The following IARS1 variants were observed in gnomAD, a reference collection of about 807,000 sequenced individuals.
IARS1 encodes isoleucyl-tRNA synthetase 1, also known as isoleucine--tRNA ligase, cytoplasmic.
IARS1 carries 124 observed loss-of-function variants against 168.2 expected under a neutral mutation model. The ratio of observed to expected loss-of-function variants is 0.74; its 90% CI spans 0.64 to 0.86. IARS1 has a LOEUF of 0.86. Among genes scored for constraint, IARS1 ranks in the 40% least tolerant of loss-of-function variants. The pLI, the probability that IARS1 is intolerant of heterozygous loss-of-function variation, is 0.00. For missense variants in IARS1, 1,452 were observed against 1,515.8 expected, an observed-to-expected ratio of 0.96 and a Z score of 0.70; for synonymous variants, 532 against 529.4, an observed-to-expected ratio of 1.00 and a Z score of -0.07.
At chr9:92,252,237 T>TA (rs1289151344) in intron 21 of IARS1, 12 of 440,412 alleles carry the variant, frequency 2.7e-5, no homozygotes, top group Non-Finnish European at 5.1e-5. Flanking sequence ...CCAAAAACTT[T>TA]AAAGTACCTT....
intron 7 of IARS1, among the ~76,000 whole-genome samples, chr9:92,279,179 T>C (rs1406704810): frequency 1.3e-5 from 2 of 152,358 alleles, no homozygotes; most frequent in East Asian, 1.9e-4. Context: ...TGTAAAAGCC[T>C]TTCCAATTTA....
rs1349098250 is a variant in IARS1, at chr9:92,288,278, T to C, written c.124A>G (p.Thr42Ala). 3 of 1,613,838 alleles carry C rather than the reference T, an allele frequency of 1.9e-6. No individual in the cohort carries two copies. The highest frequency in any genetic ancestry group is 1.1e-5 in the South Asian group (1 of 91,030). Residue 42 changes from threonine (T) to alanine (A), a missense_variant, in exon 3 of 34, where the codon ACC (threonine) becomes GCC (alanine). Physicochemically the swap from Thr to Ala is moderately conservative, Grantham distance 58. Coordinates refer to ENST00000443024, the MANE Select transcript of IARS1 (RefSeq NM_002161.6). ...GCAAAAGGAGGACCATCATAGAAGG[T>C]AAATCTAACAGGTAATAAAAATATA... ...LKQSKHKPKFTFYDGPPFATG... is the reference protein window; with the variant it reads ...LKQSKHKPKFAFYDGPPFATG...
chr9:92,255,568 CCATTT>C (rs1830602050), intron 20 of IARS1, among the ~76,000 whole-genome samples: 1 of 152,102 alleles, frequency 6.6e-6, no homozygotes, highest in African/African-American at 2.4e-5. Context: ...AGCAAAATGT[CCATTT>C]CATTATTGCT....
Position 92,264,935 on chromosome 9 carries a change from C to T in IARS1, c.1694G>A (p.Arg565Lys). ...AAAGAACAAGGAGGCATACCATCCT[C>T]TGGTTTGGTCGATGCCCTCGGCAAT... ...DFIAEGIDQT[R>K]GWFYTLLVLA... Residue 565 changes from arginine to lysine, a missense_variant, in exon 16 of 34, where the codon AGA becomes AAA. Transcript: ENST00000443024. 3.7e-6 allele frequency: 6 copies of T among 1,612,330 alleles called. No individual in the cohort carries two copies. The highest frequency in any genetic ancestry group is 5.1e-6 in the Non-Finnish European group (6 of 1,179,192).
rs772120974 is a variant in IARS1, at chr9:92,288,170, G to A, written c.232C>T (p.His78Tyr). ...TCCCATCCAAATCTTCTGTCAACATGAAACCCACTCTGGTGAGCATATCTT... is the reference window on the plus strand; with the variant it reads ...TCCCATCCAAATCTTCTGTCAACATAAAACCCACTCTGGTGAGCATATCTT... ...VTRYAHQSGF[H>Y]VDRRFGWDCH... is the part of the protein sequence containing the mutation. Residue 78 changes from histidine to tyrosine, a missense_variant, in exon 3 of 34, where the codon CAT becomes TAT. By Grantham distance (83) the His-to-Tyr change is moderately conservative. Transcript: ENST00000443024. 5.0e-6 allele frequency: 8 copies of A among 1,613,988 alleles called. No individual in the cohort carries two copies. Among genetic ancestry groups the A allele is most frequent in the East Asian group, 2.2e-5 (1 of 44,858 alleles).
chr9:92,291,029 G>C lies in IARS1; in HGVS notation c.-7-1603C>G, dbSNP rs978479347. On this transcript the variant is annotated intron_variant, in intron 1 of 33. Transcript: ENST00000443024. ...TGAAGGATGAGCCCTATACCTTTCTGGTTTAGTCCCTAATGAGAGAAGTCT... is the reference window on the plus strand; with the variant it reads ...TGAAGGATGAGCCCTATACCTTTCTCGTTTAGTCCCTAATGAGAGAAGTCT... Among the ~76,000 whole-genome samples, 152 of 151,878 alleles carry C rather than the reference G, an allele frequency of 1.0e-3. 1 individual carries two copies. Among genetic ancestry groups the C allele is most frequent in the Middle Eastern group, 3.4e-3 (1 of 294 alleles).
At chr9:92,244,250 A>AT (rs1828860771) in intron 27 of IARS1, among the ~76,000 whole-genome samples, 1 of 152,150 alleles carries the variant, frequency 6.6e-6, no homozygotes, top group South Asian at 2.1e-4. Context: ...CCCAGCTACG[A>AT]TACCTCCGAC....
intron 7 of IARS1, among the ~76,000 whole-genome samples, chr9:92,279,046 A>G (rs1048685587): frequency 6.6e-6 from 1 of 152,202 alleles, no homozygotes; most frequent in Non-Finnish European, 1.5e-5. Flanking sequence ...TAAAACTTTG[A>G]TACTGAAAAT....
rs1482265257 is a variant in IARS1 at position 92,247,519 on chromosome 9, T to C, written c.2649A>G (p.Thr883=). 3 of 1,614,122 alleles carry C rather than the reference T, an allele frequency of 1.9e-6. No homozygotes were observed. The highest frequency in any genetic ancestry group is 2.5e-6 in the Non-Finnish European group (3 of 1,180,016). The change falls in exon 26 of 34, where the codon ACA becomes ACG. Residue 883 remains threonine, a synonymous_variant. Coordinates refer to ENST00000443024, the MANE Select transcript of IARS1 (RefSeq NM_002161.6). Reference sequence around the variant, plus strand: ...GCCGAATGCCATACTTGTTTTTATCTGTAGACAGTGTAACTTTTCGAACAT... The same window carrying C: ...GCCGAATGCCATACTTGTTTTTATCCGTAGACAGTGTAACTTTTCGAACAT... ...ELNVRKVTLS[T]DKNKYGIRLR... is the part of the protein sequence containing the mutation.
At chr9:92,248,009 A>G (rs1421560516) in intron 25 of IARS1, among the ~76,000 whole-genome samples, 2 of 152,260 alleles carry the variant, frequency 1.3e-5, no homozygotes, top group Admixed American at 6.5e-5. Flanking sequence ...CATTCTATAA[A>G]TATGCTTAAA....
chr9:92,244,898 A>G (rs1828954113), intron 27 of IARS1, 61 bp downstream of exon 27: 1 of 1,349,502 alleles, frequency 7.4e-7, no homozygotes, highest in South Asian at 1.2e-5. Context: ...ACAGGCAAAT[A>G]CTTTCTCCTC....
At chr9:92,252,583 G>A (rs1450631563) in intron 21 of IARS1, among the ~76,000 whole-genome samples, 2 of 151,504 alleles carry the variant, frequency 1.3e-5, no homozygotes, top group African/African-American at 2.4e-5. Flanking sequence ...CCTGGCCAAC[G>A]TGGTGAAACC....
At chr9:92,240,721 A>C (rs1462427383) in intron 30 of IARS1, 135 bp downstream of exon 30, 1 of 721,978 alleles carries the variant, frequency 1.4e-6, no homozygotes, top group Admixed American at 2.0e-5. Context: ...GACAAGAAGA[A>C]AAAGTTATCT....
intron 20 of IARS1, 77 bp downstream of exon 20, chr9:92,256,603 C>T (rs1830759128): frequency 7.5e-7 from 1 of 1,327,832 alleles, no homozygotes; most frequent in South Asian, 1.5e-5. Flanking sequence ...CTCAATATTT[C>T]CACTATTAAA....
rs139016908 is a variant in IARS1, at chr9:92,292,443, T to C, written c.-8+1168A>G. ...AGCATAAACACTCAGTATAACAGCA[T>C]TGACTATTCAGGAAGAATCATGTAC... On this transcript the variant is annotated intron_variant, in intron 1 of 33. Coordinates refer to ENST00000443024, the MANE Select transcript of IARS1 (RefSeq NM_002161.6). 348 of 154,720 alleles carry C rather than the reference T, an allele frequency of 2.2e-3. 4 individuals are homozygous for C. The highest frequency in any genetic ancestry group is 7.7e-3 in the African/African-American group (321 of 41,618). 9.6% of individuals were successfully genotyped at this position (154,720 alleles called of 1,614,324 possible). A position where few individuals can be genotyped will look rare whatever the true frequency, so the allele number is the denominator to read the frequency against.
At chr9:92,253,569 C>T in intron 20 of IARS1, 116 bp from the exon 21 acceptor site, 1 of 680,092 alleles carries the variant, frequency 1.5e-6, no homozygotes, top group South Asian at 1.7e-5. Flanking sequence ...CCTCCACTTA[C>T]TAAGGAGAAA....
intron 23 of IARS1, 24 bp downstream of exon 23, chr9:92,250,689 G>A: frequency 6.3e-7 from 1 of 1,580,078 alleles, no homozygotes; most frequent in Non-Finnish European, 8.6e-7. Flanking sequence ...GCACAGGTGA[G>A]GCTTATTTCT....
At chr9:92,251,116 C>T (rs1186698050) in intron 22 of IARS1, 1 of 491,554 alleles carries the variant, frequency 2.0e-6, no homozygotes, top group Non-Finnish European at 4.0e-6. Flanking sequence ...AGTCAATATG[C>T]ACAGAAGACT....
intron 33 of IARS1, among the ~76,000 whole-genome samples, chr9:92,215,274 G>C (rs941460620): frequency 8.6e-5 from 13 of 152,036 alleles, no homozygotes; most frequent in African/African-American, 3.1e-4. Context: ...CCATCTGTAC[G>C]TCACCATCAT....
Sources: gnomAD v4.1 joint callset for allele counts (sites outside exome capture counted in the v4.1 genomes callset) on GRCh38, gnomAD v4.1.1 for gene constraint, MANE v1.5 for transcripts, NCBI Gene and HGNC (gene_info 2026-07-23, HGNC 2026-07-21) for gene names.